The following PPM1E variants were observed in gnomAD, a reference collection of about 807,000 sequenced individuals.
PPM1E encodes the protein protein phosphatase, Mg2+/Mn2+ dependent 1E.
A neutral mutation model predicts 65.9 loss-of-function variants in PPM1E; 20 were observed. The ratio of observed to expected loss-of-function variants is 0.30; its 90% CI spans 0.21 to 0.44. The LOEUF is 0.44. Among genes scored for constraint, PPM1E ranks in the 20% least tolerant of loss-of-function variants. The pLI, the probability that PPM1E is intolerant of heterozygous loss-of-function variation, is 1.00. For missense variants in PPM1E, 713 were observed against 953.1 expected, an observed-to-expected ratio of 0.75 and a Z score of 3.32; for synonymous variants, 352 against 374.9, an observed-to-expected ratio of 0.94 and a Z score of 0.70.
chr17:58,919,845 G>T (rs1405504483), intron 1 of PPM1E, among the ~76,000 whole-genome samples: 1 of 152,124 alleles, frequency 6.6e-6, no homozygotes, highest in Non-Finnish European at 1.5e-5. Flanking sequence ...CTACATGATT[G>T]TGGTACATTA....
At chr17:58,929,439 T>C (rs2051865059) in intron 1 of PPM1E, among the ~76,000 whole-genome samples, 1 of 152,226 alleles carries the variant, frequency 6.6e-6, no homozygotes, top group Admixed American at 6.5e-5. Context: ...TTTTATTATA[T>C]GTAAATTTTA....
At chr17:58,818,736 C>T (rs1420977222) in intron 1 of PPM1E, among the ~76,000 whole-genome samples, 1 of 152,204 alleles carries the variant, frequency 6.6e-6, no homozygotes, top group Non-Finnish European at 1.5e-5. Flanking sequence ...TTGAGTGCTT[C>T]TCTACCTCCT....
chr17:58,758,400 C>T (rs1432065144), intron 1 of PPM1E, among the ~76,000 whole-genome samples: 2 of 151,734 alleles, frequency 1.3e-5, no homozygotes, highest in African/African-American at 2.4e-5. Flanking sequence ...TGGTGTCGCG[C>T]GCCTGTAATC....
chr17:58,784,253 C>T (rs140453253), intron 1 of PPM1E, among the ~76,000 whole-genome samples: 1,705 of 152,064 alleles, frequency 0.011, 36 homozygotes, highest in African/African-American at 0.039. Context: ...GAACTCCTGA[C>T]CTCAAGTGTT....
chr17:58,883,130 G>T (rs1039112529), intron 1 of PPM1E, among the ~76,000 whole-genome samples: 14 of 151,220 alleles, frequency 9.3e-5, no homozygotes, highest in South Asian at 2.1e-4. Flanking sequence ...TAATTTTTTT[G>T]TGTTTTTAGT....
At chr17:58,857,119 A>G (rs1214334575) in intron 1 of PPM1E, among the ~76,000 whole-genome samples, 1 of 152,222 alleles carries the variant, frequency 6.6e-6, no homozygotes, top group African/African-American at 2.4e-5. Flanking sequence ...TAAATACACT[A>G]TGCCCTGTTA....
intron 1 of PPM1E, among the ~76,000 whole-genome samples, chr17:58,797,065 G>A (rs935065466): frequency 1.3e-5 from 2 of 152,028 alleles, no homozygotes; most frequent in Non-Finnish European, 1.5e-5. Context: ...CTGAGATCAC[G>A]CCACTTCACT....
intron 1 of PPM1E, chr17:58,785,488 A>ATATATATAT (rs1200517886): frequency 1.4e-5 from 2 of 139,790 alleles, no homozygotes; most frequent in African/African-American, 5.5e-5. Flanking sequence ...ATATATATAT[A>ATATATATAT]TAGTAGAACC....
intron 1 of PPM1E, among the ~76,000 whole-genome samples, chr17:58,933,989 G>A (rs989340013): frequency 6.6e-6 from 1 of 151,432 alleles, no homozygotes; most frequent in Non-Finnish European, 1.5e-5. Flanking sequence ...CAGCTACTTC[G>A]GAGGCTGACG....
chr17:58,871,237 A>G (rs1452686834), intron 1 of PPM1E, among the ~76,000 whole-genome samples: 1 of 152,006 alleles, frequency 6.6e-6, no homozygotes, highest in Non-Finnish European at 1.5e-5. Context: ...ATGGAGTCTC[A>G]CTGTGTTGCC....
At chr17:58,959,181 C>T (rs1345272059) in intron 2 of PPM1E, among the ~76,000 whole-genome samples, 1 of 150,696 alleles carries the variant, frequency 6.6e-6, no homozygotes, top group Admixed American at 6.6e-5. Context: ...TGGTGGCGTA[C>T]ACCTGTAGTC....
intron 1 of PPM1E, among the ~76,000 whole-genome samples, chr17:58,768,971 T>C (rs1204530773): frequency 6.6e-6 from 1 of 152,178 alleles, no homozygotes; most frequent in Non-Finnish European, 1.5e-5. Flanking sequence ...GCCTGGCCTA[T>C]TGCTGTTTAT....
intron 1 of PPM1E, among the ~76,000 whole-genome samples, chr17:58,893,657 G>T (rs1017093226): frequency 1.3e-5 from 2 of 152,114 alleles, no homozygotes; most frequent in East Asian, 1.9e-4. Context: ...TATAACAAAT[G>T]TACCACTCTG....
At chr17:58,764,682 A>G (rs11657676) in intron 1 of PPM1E, among the ~76,000 whole-genome samples, 34,805 of 152,016 alleles carry the variant, frequency 0.23, 5,160 homozygotes, top group Middle Eastern at 0.41. Context: ...TAGTGGCTCA[A>G]TCATGGCTCA....
rs569536539 is a variant in PPM1E at position 58,976,530 on chromosome 17, T to C, written c.1211-3444T>C. Among the ~76,000 whole-genome samples, 60 of 152,226 alleles carry C rather than the reference T, an allele frequency of 3.9e-4. 1 individual carries two copies. Among genetic ancestry groups the C allele is most frequent in the South Asian group, 1.9e-3 (9 of 4,820 alleles). ...AGGAAAGAAATGATACTTATAAAAA[T>C]GAAAAGGTTTTCAACAGTTTCTCCC... On this transcript the variant is annotated intron_variant, in intron 6 of 6. Transcript: ENST00000308249.
At position 58,984,376 on chromosome 17, in the gene PPM1E, A is replaced by G. The variant is rs1324431739; in HGVS notation, c.*3345A>G. ...GGCCAAGTTCAGTGTTTACAGATAA[A>G]ACTGCTGTGGTTCAAGTGCTTCCTT... On this transcript the variant is annotated 3_prime_UTR_variant, in exon 7 of 7. Coordinates refer to ENST00000308249, the MANE Select transcript of PPM1E (RefSeq NM_014906.5). 2 of 152,632 alleles carry G rather than the reference A, an allele frequency of 1.3e-5. No homozygotes were observed. The highest frequency in any genetic ancestry group is 2.9e-5 in the Non-Finnish European group (2 of 68,036). 9.5% of individuals were successfully genotyped at this position (152,632 alleles called of 1,614,324 possible). A position where few individuals can be genotyped will look rare whatever the true frequency, so the allele number is the denominator to read the frequency against.
rs561416267 is a variant in PPM1E at position 58,867,101 on chromosome 17, C to G, written c.465-88548C>G. ...GCTCAAGCAGTTCTCCTGCCTCAGC[C>G]CCCTGAGTAGCTGGGATTACAGGCA... is the stretch of plus-strand genomic sequence containing the variant. On this transcript the variant is annotated intron_variant, in intron 1 of 6. Coordinates refer to ENST00000308249, the MANE Select transcript of PPM1E (RefSeq NM_014906.5). Among the ~76,000 whole-genome samples, 3 of 152,262 alleles carry G rather than the reference C, an allele frequency of 2.0e-5. No individual in the cohort carries two copies. The South Asian group carries it at 6.2e-4, about 32-fold the overall frequency.
chr17:58,825,249 C>G (rs1434557626), intron 1 of PPM1E, among the ~76,000 whole-genome samples: 2 of 149,974 alleles, frequency 1.3e-5, no homozygotes, highest in Non-Finnish European at 2.9e-5. Flanking sequence ...CACACACACA[C>G]ACACACACAC....
chr17:58,798,214 A>T (rs1424335427), intron 1 of PPM1E, among the ~76,000 whole-genome samples: 1 of 148,386 alleles, frequency 6.7e-6, no homozygotes, highest in Non-Finnish European at 1.5e-5. Context: ...TTCTGTGTGA[A>T]TTACGTTTTT....
Sources: allele counts gnomAD v4.1 joint callset (sites outside exome capture counted in the v4.1 genomes callset), GRCh38; gene constraint gnomAD v4.1.1; transcripts MANE v1.5; gene names NCBI Gene and HGNC (gene_info 2026-07-23, HGNC 2026-07-21).